GRIK2: variants seen among roughly 807,000 people sequenced by gnomAD.
GRIK2 encodes glutamate ionotropic receptor kainate type subunit 2.
GRIK2 carries 32 observed loss-of-function variants against 100.3 expected under a neutral mutation model. The ratio of observed to expected loss-of-function variants is 0.32; its 90% CI spans 0.24 to 0.43. GRIK2 has a LOEUF of 0.43. GRIK2 is among the 20% of genes least tolerant of loss of function. The probability of loss-of-function intolerance (pLI) is 1.00; values close to 1 mark genes in which losing one functional copy is unlikely to be tolerated. For missense variants in GRIK2, 843 were observed against 1,114.9 expected (o/e 0.76, Z 3.47); for synonymous variants, 417 against 389.4 (o/e 1.07, Z -0.83).
chr6:102,047,578 T>G (rs1415299523), intron 15 of GRIK2, among the ~76,000 whole-genome samples: 2 of 151,832 alleles, frequency 1.3e-5, no homozygotes, highest in Admixed American at 1.3e-4. Context: ...TGAAACCCCA[T>G]CTCTACTAAA....
chr6:101,542,180 T>C (rs899838564), intron 2 of GRIK2, among the ~76,000 whole-genome samples: 6 of 151,970 alleles, frequency 3.9e-5, no homozygotes, highest in Non-Finnish European at 8.8e-5. Flanking sequence ...TGAAATCCAG[T>C]TCAAAAGTAG....
At chr6:102,001,061 A>G (rs1368538667) in intron 14 of GRIK2, among the ~76,000 whole-genome samples, 1 of 151,564 alleles carries the variant, frequency 6.6e-6, no homozygotes, top group Admixed American at 6.6e-5. Flanking sequence ...ACTTCAGGAT[A>G]CTTCTAAATA....
At chr6:101,449,223 T>C (rs1400719648) in intron 2 of GRIK2, among the ~76,000 whole-genome samples, 1 of 151,744 alleles carries the variant, frequency 6.6e-6, no homozygotes, top group Non-Finnish European at 1.5e-5. Flanking sequence ...GTAAAATATT[T>C]AACTGCCAAA....
At chr6:101,858,139 G>A (rs1031013660) in intron 10 of GRIK2, among the ~76,000 whole-genome samples, 1 of 152,090 alleles carries the variant, frequency 6.6e-6, no homozygotes, top group Non-Finnish European at 1.5e-5. Context: ...CCTTGCAGTT[G>A]TTTTCTTTTC....
intron 2 of GRIK2, among the ~76,000 whole-genome samples, chr6:101,541,829 A>G (rs1183481348): frequency 6.6e-6 from 1 of 151,794 alleles, no homozygotes; most frequent in African/African-American, 2.4e-5. Flanking sequence ...TCTTTTTCTT[A>G]TTCCCTCTTT....
At position 101,889,685 on chromosome 6, in the gene GRIK2, G is replaced by C. The variant is rs1167251441; in HGVS notation, c.1570G>C (p.Glu524Gln). ...VAPLAITYVREKVIDFSKPFM... is the reference protein window; with the variant it reads ...VAPLAITYVRQKVIDFSKPFM... ...TCCACTGGCTATTACCTATGTTCGA[G>C]AGAAGGTCATCGACTTTTCCAAGCC... Residue 524 changes from glutamate to glutamine, a missense_variant, in exon 12 of 17, where the codon GAG (glutamate) becomes CAG (glutamine). Glu to Gln is a conservative substitution (Grantham distance 29). Coordinates refer to ENST00000369134, the MANE Select transcript of GRIK2 (RefSeq NM_021956.5). The C allele has an allele frequency of 8.1e-6, 13 of 1,610,504 alleles. No homozygotes were observed. The highest frequency in any genetic ancestry group is 1.1e-5 in the Non-Finnish European group (13 of 1,179,062).
rs772880103 is a variant in GRIK2 at position 101,765,023 on chromosome 6, G to A, written c.952-34625G>A. 1.3e-5 allele frequency among the ~76,000 whole-genome samples: 2 copies of A among 152,010 alleles called. 1 individual carries two copies. Among genetic ancestry groups the A allele is most frequent in the South Asian group, 4.1e-4 (2 of 4,828 alleles). ...CTTCATCTATGAGGAACATTTTTCA[G>A]CTTCTCAACACTGTCTTGTTGTCTC... On this transcript the variant is annotated intron_variant, in intron 7 of 16. Coordinates refer to ENST00000369134, the MANE Select transcript of GRIK2 (RefSeq NM_021956.5).
In GRIK2 at chr6:102,055,437, G is replaced by A; in HGVS notation, c.2419G>A (p.Glu807Lys). The change falls in exon 16 of 17, where the codon GAG becomes AAG. Residue 807 changes from glutamate to lysine, a missense_variant. Around this residue, in one of 3 missense-constraint regions of GRIK2, gnomAD observed 237 missense variants for 388.0 expected, o/e 0.61. Transcript: ENST00000369134. The stretch of plus-strand genomic sequence containing the variant: ...GTGGAGGGGCAATGGTTGCCCAGAA[G>A]AGGAGAGCAAAGAGGCCAGTGCCCT... ...KWWRGNGCPE[E>K]ESKEASALGV... 6.2e-7 allele frequency: 1 copy of A among 1,613,804 alleles called. No homozygotes were observed. Among genetic ancestry groups the A allele is most frequent in the African/African-American group, 1.3e-5 (1 of 75,026 alleles).
chr6:101,884,451 G>C (rs1237784198), intron 11 of GRIK2, among the ~76,000 whole-genome samples: 2 of 152,054 alleles, frequency 1.3e-5, no homozygotes, highest in African/African-American at 4.8e-5. Flanking sequence ...TATGTTCTTT[G>C]ATTTCTGAAA....
intron 11 of GRIK2, among the ~76,000 whole-genome samples, chr6:101,882,069 C>G (rs376829478): frequency 2.0e-5 from 3 of 151,886 alleles, no homozygotes; most frequent in African/African-American, 7.3e-5. Flanking sequence ...AGGGGAAACC[C>G]CTTATAAAAT....
At chr6:101,469,251 T>C (rs958813655) in intron 2 of GRIK2, among the ~76,000 whole-genome samples, 9 of 152,198 alleles carry the variant, frequency 5.9e-5, no homozygotes, top group Admixed American at 2.6e-4. Flanking sequence ...CGTAAGATAC[T>C]ATTTATTGTA....
intron 16 of GRIK2, among the ~76,000 whole-genome samples, chr6:102,064,413 C>CCTTT (rs3029035): frequency 0.1 from 14,208 of 140,996 alleles, 803 homozygotes; most frequent in Middle Eastern, 0.19. Context: ...CTCCCTCCCT[C>CCTTT]CTTTCTTTCT....
At chr6:101,910,105 A>G (rs1788569638) in intron 12 of GRIK2, among the ~76,000 whole-genome samples, 1 of 151,222 alleles carries the variant, frequency 6.6e-6, no homozygotes, top group African/African-American at 2.4e-5. Flanking sequence ...ATTATTTTAA[A>G]TATCTTTATA....
chr6:102,053,740 T>C (rs1428438904), intron 15 of GRIK2, among the ~76,000 whole-genome samples: 5 of 152,138 alleles, frequency 3.3e-5, no homozygotes, highest in Non-Finnish European at 7.4e-5. Flanking sequence ...GATGGACTGA[T>C]TGGACAGACA....
At position 101,636,854 on chromosome 6, in the gene GRIK2, C is replaced by T. The variant is rs374549110; in HGVS notation, c.541+10217C>T. Among the ~76,000 whole-genome samples, 8 of 152,242 alleles carry T rather than the reference C, an allele frequency of 5.3e-5. No individual in the cohort carries two copies. The East Asian group carries it at 7.7e-4, about 15-fold the overall frequency. On this transcript the variant is annotated intron_variant, in intron 4 of 16. Transcript: ENST00000369134. ...CTAAATTTAAGCATATTGGCATGCA[C>T]ATTTTTGGTAGGTACTGCCCTCCTG...
At chr6:101,480,394 C>T (rs1034254028) in intron 2 of GRIK2, among the ~76,000 whole-genome samples, 5 of 152,020 alleles carry the variant, frequency 3.3e-5, no homozygotes, top group African/African-American at 1.2e-4. Flanking sequence ...TCATAGCATT[C>T]CATTGGCTTC....
intron 2 of GRIK2, among the ~76,000 whole-genome samples, chr6:101,561,890 G>T (rs1302736866): frequency 1.3e-5 from 2 of 152,060 alleles, no homozygotes; most frequent in Non-Finnish European, 2.9e-5. Flanking sequence ...GTGTCCAGTG[G>T]GTAGATAGAT....
intron 4 of GRIK2, among the ~76,000 whole-genome samples, chr6:101,667,878 A>G (rs968422055): frequency 1.3e-5 from 2 of 152,142 alleles, no homozygotes; most frequent in African/African-American, 4.8e-5. Flanking sequence ...CTAGACACAG[A>G]ACTGGACTCA....
intron 7 of GRIK2, among the ~76,000 whole-genome samples, chr6:101,788,985 G>A (rs1044380068): frequency 6.6e-6 from 1 of 151,364 alleles, no homozygotes; most frequent in Non-Finnish European, 1.5e-5. Context: ...TTTTTCATGT[G>A]TCTTTTGCTG....
Sources: gnomAD v4.1 joint callset for allele counts (sites outside exome capture counted in the v4.1 genomes callset) on GRCh38, gnomAD v4.1.1 for gene constraint, gnomAD v4.1.1 regional missense constraint, MANE v1.5 for transcripts, NCBI Gene and HGNC (gene_info 2026-07-23, HGNC 2026-07-21) for gene names.